The following AXIN1 variants were observed in gnomAD, a reference collection of about 807,000 sequenced individuals.
AXIN1 encodes the protein axin 1.
A neutral mutation model predicts 76.4 loss-of-function variants in AXIN1; 30 were observed. The observed-to-expected ratio is 0.39, with a 90% CI of 0.29 to 0.53. The LOEUF (loss-of-function observed/expected upper bound fraction) is 0.53. AXIN1 is among the 20% of genes least tolerant of loss of function. The probability of loss-of-function intolerance (pLI) is 0.66; values close to 1 mark genes in which losing one functional copy is unlikely to be tolerated. For missense variants in AXIN1, 1,140 were observed against 1,198.8 expected (o/e 0.95, Z 0.72); for synonymous variants, 545 against 501.4 (o/e 1.09, Z -1.16).
intron 2 of AXIN1, among the ~76,000 whole-genome samples, chr16:322,392 G>C (rs550402312): frequency 1.2e-4 from 19 of 152,354 alleles, no homozygotes; most frequent in African/African-American, 4.1e-4. Flanking sequence ...CCGCAGTGGA[G>C]TGTGCACCTG....
At position 297,817 on chromosome 16, in the gene AXIN1, G is replaced by A. The variant is rs1371218940; in HGVS notation, c.1689C>T (p.Ala563=). ...CATGGCTGTGTGGTTCCAGGCCCCA[G>A]GCGAAGCTGCTCTGGGCCCTGCGGG... ...EATRRAQSSF[A]WGLEPHSHGA... Residue 563 remains alanine, a synonymous_variant, in exon 6 of 11, where the codon GCC becomes GCT. Transcript: ENST00000262320. The A allele has an allele frequency of 4.5e-6, 7 of 1,568,156 alleles. No homozygotes were observed. The African/African-American group carries it at 5.4e-5, about 12-fold the overall frequency.
chr16:345,824 C>G (rs1290505587), intron 2 of AXIN1, among the ~76,000 whole-genome samples: 1 of 152,092 alleles, frequency 6.6e-6, no homozygotes, highest in African/African-American at 2.4e-5. Flanking sequence ...GTAGATCCAG[C>G]TCCTATTTAA....
rs758557925 is a variant in AXIN1, at chr16:297,090, T to C, written c.1921A>G (p.Lys641Glu). ...KIMQWIIEGE[K>E]EISRHRRTGH... ...GTCCTGCGGTGCCTGCTGATCTCCT[T>C]TTCCCCCTCAATGATCCACTGCATG... is the stretch of plus-strand genomic sequence containing the variant. The change falls in exon 7 of 11, where the codon AAG (lysine) becomes GAG (glutamate). Residue 641 changes from lysine to glutamate, a missense_variant. Coordinates refer to ENST00000262320, the MANE Select transcript of AXIN1 (RefSeq NM_003502.4). The C allele has an allele frequency of 6.2e-6, 10 of 1,612,606 alleles. No homozygotes were observed. The Admixed American group carries it at 1.7e-4, about 27-fold the overall frequency.
intron 5 of AXIN1, among the ~76,000 whole-genome samples, chr16:302,369 A>C (rs1396948452): frequency 6.6e-6 from 1 of 152,242 alleles, no homozygotes; most frequent in Non-Finnish European, 1.5e-5. Flanking sequence ...GCCAGGGGAG[A>C]CGAGAGGATG....
At chr16:336,303 CAGGGT>C (rs2053801874) in intron 2 of AXIN1, among the ~76,000 whole-genome samples, 3 of 152,302 alleles carry the variant, frequency 2.0e-5, no homozygotes, top group Admixed American at 2.0e-4. Flanking sequence ...ATGAACACCT[CAGGGT>C]AGGGGTGAGA....
At position 351,778 on chromosome 16, in the gene AXIN1, G is replaced by A. The variant is rs2054150130; in HGVS notation, c.-82+591C>T. 3.3e-5 allele frequency among the ~76,000 whole-genome samples: 5 copies of A among 152,200 alleles called. No homozygotes were observed. In the South Asian group the frequency reaches 1.0e-3, roughly 32 times the overall value. ...TATATATATATCTTATAGATGGGCT[G>A]AGAAAAATCCCCAGAGAACTGACAT... On this transcript the variant is annotated intron_variant, in intron 1 of 10. Transcript: ENST00000262320.
At chr16:296,415 G>A (rs1278605125) in intron 7 of AXIN1, among the ~76,000 whole-genome samples, 5 of 152,248 alleles carry the variant, frequency 3.3e-5, no homozygotes, top group African/African-American at 7.2e-5. Context: ...CTCTGACCAC[G>A]ACAGGAAGGT....
At chr16:326,814 G>C (rs1204923229) in intron 2 of AXIN1, among the ~76,000 whole-genome samples, 1 of 151,848 alleles carries the variant, frequency 6.6e-6, no homozygotes, top group Non-Finnish European at 1.5e-5. Flanking sequence ...CATAAAATCA[G>C]GGATGTGGCC....
At chr16:339,381 C>T (rs910679961) in intron 2 of AXIN1, among the ~76,000 whole-genome samples, 2 of 148,612 alleles carry the variant, frequency 1.3e-5, no homozygotes, top group African/African-American at 2.5e-5. Context: ...CGTGGTGACA[C>T]GCGCCTGTAG....
chr16:318,567 T>A (rs1304132608), intron 2 of AXIN1, among the ~76,000 whole-genome samples: 2 of 152,118 alleles, frequency 1.3e-5, no homozygotes, highest in Non-Finnish European at 1.5e-5. Context: ...AAGAACGTTC[T>A]GGTCAAAGAC....
chr16:298,289 C>G (rs2052775269), intron 5 of AXIN1, 38 bp from the exon 6 acceptor site: 1 of 1,536,602 alleles, frequency 6.5e-7, no homozygotes, highest in African/African-American at 1.4e-5. Flanking sequence ...CTCTCAGCAC[C>G]AGCTGCACAC....
intron 2 of AXIN1, among the ~76,000 whole-genome samples, chr16:329,941 T>C (rs1376750478): frequency 6.6e-6 from 1 of 151,916 alleles, no homozygotes; most frequent in Admixed American, 6.6e-5. Context: ...CCAATTTTTG[T>C]ATTTTTAGTA....
chr16:334,009 T>A, intron 2 of AXIN1, among the ~76,000 whole-genome samples: 1 of 122,582 alleles, frequency 8.2e-6, no homozygotes, highest in Non-Finnish European at 1.6e-5. Context: ...TGGCATCCAA[T>A]AACACAGCAC....
In AXIN1 at chr16:287,736, G is replaced by C. The variant is rs954821359; in HGVS notation, c.*386C>G. On this transcript the variant is annotated 3_prime_UTR_variant, in exon 11 of 11. Coordinates refer to ENST00000262320, the MANE Select transcript of AXIN1 (RefSeq NM_003502.4). The stretch of plus-strand genomic sequence containing the variant: ...AGAGGCCCTGCAGGCCTCTGCATCC[G>C]GGCCTGGGCCCCACCCAGACCTGGG... 1.2e-5 allele frequency: 5 copies of C among 400,592 alleles called. No individual in the cohort carries two copies. Among genetic ancestry groups the C allele is most frequent in the African/African-American group, 2.0e-5 (1 of 50,152 alleles). The allele number at this position is 400,592 out of a possible 1,614,324, so 24.8% of individuals were successfully genotyped here.
At chr16:343,489 G>A (rs1366786455) in intron 2 of AXIN1, among the ~76,000 whole-genome samples, 1 of 151,158 alleles carries the variant, frequency 6.6e-6, no homozygotes, top group African/African-American at 2.4e-5. Context: ...ATCTCTTGAG[G>A]AAAGGAGTTC....
At chr16:322,079 C>T (rs574857401) in intron 2 of AXIN1, among the ~76,000 whole-genome samples, 178 of 152,302 alleles carry the variant, frequency 1.2e-3, no homozygotes, top group African/African-American at 4.3e-3. Flanking sequence ...GAGGTGGCCG[C>T]ACAGACCCAA....
Position 352,465 on chromosome 16 carries a change from C to T in AXIN1, c.-178G>A, listed in dbSNP as rs1247691386. ...CAGCGGCAGCGCGGCGGGCGGGACC[C>T]GGCGGGGGCGCGGCCCGGGGCGGCC... On this transcript the variant is annotated 5_prime_UTR_variant, in exon 1 of 11. Coordinates refer to ENST00000262320, the MANE Select transcript of AXIN1 (RefSeq NM_003502.4). 4 of 968,230 alleles carry T rather than the reference C, an allele frequency of 4.1e-6. No homozygotes were observed. The highest frequency in any genetic ancestry group is 4.9e-6 in the Non-Finnish European group (4 of 817,618). The allele number at this position is 968,230 out of a possible 1,614,324, so 60.0% of individuals were successfully genotyped here.
intron 1 of AXIN1, 126 bp from the exon 2 acceptor site, chr16:347,232 T>A: frequency 2.3e-6 from 2 of 856,662 alleles, no homozygotes; most frequent in Non-Finnish European, 3.5e-6. Flanking sequence ...AAACTCAGTT[T>A]AAATGTTCAA....
chr16:331,333 T>C (rs1342619373), intron 2 of AXIN1, among the ~76,000 whole-genome samples: 1 of 152,194 alleles, frequency 6.6e-6, no homozygotes, highest in Non-Finnish European at 1.5e-5. Flanking sequence ...CTACCCTCTT[T>C]ATGACATTCT....
Sources: gnomAD v4.1 joint callset for allele counts (sites outside exome capture counted in the v4.1 genomes callset) on GRCh38, gnomAD v4.1.1 for gene constraint, MANE v1.5 for transcripts, NCBI Gene and HGNC (gene_info 2026-07-23, HGNC 2026-07-21) for gene names.